Variants in SLC18A2 observed in about 807,000 individuals in gnomAD.
SLC18A2 encodes synaptic vesicular amine transporter.
A neutral mutation model predicts 59.2 loss-of-function variants in SLC18A2; 33 were observed. The observed-to-expected ratio is 0.56, with a 90% CI of 0.42 to 0.75. The LOEUF (loss-of-function observed/expected upper bound fraction) is 0.75. Among genes scored for constraint, SLC18A2 ranks in the 30% least tolerant of loss-of-function variants. The pLI, the probability that SLC18A2 is intolerant of heterozygous loss-of-function variation, is 0.00. For missense variants in SLC18A2, 569 were observed against 668.6 expected (o/e 0.85, Z 1.64); for synonymous variants, 228 against 253.5 (o/e 0.90, Z 0.95).
At chr10:117,250,141 G>T (rs1844146177) in intron 3 of SLC18A2, among the ~76,000 whole-genome samples, 1 of 152,184 alleles carries the variant, frequency 6.6e-6, no homozygotes, top group South Asian at 2.1e-4. Context: ...AGAAGAGTTT[G>T]AGAACGGAGA....
chr10:117,278,519 A>G lies in SLC18A2; in HGVS notation c.*1253A>G, dbSNP rs953120077. 2.0e-5 allele frequency: 3 copies of G among 152,174 alleles called. No individual in the cohort carries two copies. The highest frequency in any genetic ancestry group is 2.0e-4 in the Admixed American group (3 of 15,280). The allele number at this position is 152,174 out of a possible 1,614,324, so 9.4% of individuals were successfully genotyped here. On this transcript the variant is annotated 3_prime_UTR_variant, in exon 16 of 16. Transcript: ENST00000644641. ...CAAATACTGTTAGTGAACATTGTCA[A>G]TTTATGTCATTTTGTTAAGAGATAT...
chr10:117,257,450 G>A (rs533765821), intron 9 of SLC18A2, among the ~76,000 whole-genome samples: 2 of 152,192 alleles, frequency 1.3e-5, no homozygotes, highest in African/African-American at 4.8e-5. Context: ...GTCTGGAAGT[G>A]GCCTGATTGC....
At chr10:117,267,434 T>C (rs1844360914) in intron 12 of SLC18A2, 1 of 459,958 alleles carries the variant, frequency 2.2e-6, no homozygotes. Context: ...TGGACTAGGC[T>C]GATCTTTCAC....
chr10:117,244,319 G>T lies in SLC18A2; in HGVS notation c.464+6G>T, dbSNP rs1844088487. On this transcript the variant is annotated splice_donor_region_variant and intron_variant, in intron 3 of 15. Transcript: ENST00000644641. ...ATAGGACTACTGACCAACAGGTAGG[G>T]CAGACTACTTTAGTCAAAGAGTTTG... 1 of 1,609,228 alleles carries T rather than the reference G, an allele frequency of 6.2e-7. No individual in the cohort carries two copies. The highest frequency in any genetic ancestry group is 1.7e-5 in the Admixed American group (1 of 59,378).
At chr10:117,241,381 C>T (rs1440605575) in intron 1 of SLC18A2, among the ~76,000 whole-genome samples, 161 bp downstream of exon 1, 2 of 150,404 alleles carry the variant, frequency 1.3e-5, no homozygotes, top group Admixed American at 1.3e-4. Context: ...TGCACGGGGC[C>T]GAGCGTGCAG....
Position 117,257,887 on chromosome 10 carries a change from A to T in SLC18A2, c.986A>T (p.Gln329Leu), listed in dbSNP as rs771995052. 6.2e-7 allele frequency: 1 copy of T among 1,610,166 alleles called. No individual in the cohort carries two copies. Among genetic ancestry groups the T allele is most frequent in the East Asian group, 2.2e-5 (1 of 44,714 alleles). The change falls in exon 10 of 16, where the codon CAG (glutamine) becomes CTG (leucine). Residue 329 changes from glutamine to leucine, a missense_variant. Around this residue, in one of 2 missense-constraint regions of SLC18A2, gnomAD observed 192 missense variants for 278.8 expected, o/e 0.69. Transcript: ENST00000644641. ...MMETMCSRKW[Q>L]LGVAFLPASI... ...GAGACCATGTGTTCCCGAAAGTGGC[A>T]GCTGGGTAAGGACTGGGGTGGGCTC...
At chr10:117,255,800 T>C in intron 9 of SLC18A2, 143 bp downstream of exon 9, 1 of 698,174 alleles carries the variant, frequency 1.4e-6, no homozygotes, top group Non-Finnish European at 2.4e-6. Context: ...GCAAAGAGGC[T>C]ACAAGTCAAA....
At chr10:117,256,820 C>T (rs363245) in intron 9 of SLC18A2, among the ~76,000 whole-genome samples, 132,644 of 152,174 alleles carry the variant, frequency 0.87, 58,036 homozygotes, top group Middle Eastern at 0.95. Flanking sequence ...AGAAATGTGA[C>T]TTCCTGAACC....
In SLC18A2 at chr10:117,253,996, G is replaced by A. The variant is rs376856181; in HGVS notation, c.524-52G>A. ...CTTCTGAAACGTTCCTGTTTGGGAC[G>A]GTTGTGTCCCAGCAGCACTGATGTG... On this transcript the variant is annotated intron_variant, in intron 4 of 15. Transcript: ENST00000644641. 85 of 1,538,230 alleles carry A rather than the reference G, an allele frequency of 5.5e-5. 1 individual carries two copies. In the South Asian group the frequency reaches 5.9e-4, roughly 11 times the overall value.
chr10:117,255,562 G>A (rs1844219685), intron 8 of SLC18A2, 35 bp from the exon 9 acceptor site: 2 of 1,614,046 alleles, frequency 1.2e-6, no homozygotes, highest in African/African-American at 1.3e-5. Flanking sequence ...GAGGGGGCAT[G>A]GTGCTGCTTC....
chr10:117,242,084 C>T (rs565567082), intron 2 of SLC18A2, among the ~76,000 whole-genome samples: 2 of 152,340 alleles, frequency 1.3e-5, no homozygotes, highest in East Asian at 3.9e-4. Flanking sequence ...TTTCCCGCAT[C>T]CTCTTGCCTG....
chr10:117,245,115 A>C (rs1844097195), intron 3 of SLC18A2, among the ~76,000 whole-genome samples: 1 of 152,180 alleles, frequency 6.6e-6, no homozygotes, highest in South Asian at 2.1e-4. Context: ...AGGGCCTTGC[A>C]GCTGAGAGGA....
At chr10:117,273,979 G>C (rs1013868925) in intron 15 of SLC18A2, among the ~76,000 whole-genome samples, 1 of 152,124 alleles carries the variant, frequency 6.6e-6, no homozygotes, top group Non-Finnish European at 1.5e-5. Flanking sequence ...CTCTTTGGTT[G>C]AGAGTCAAAC....
At chr10:117,273,265 G>C (rs1401121879) in intron 15 of SLC18A2, among the ~76,000 whole-genome samples, 2 of 152,146 alleles carry the variant, frequency 1.3e-5, no homozygotes, top group Non-Finnish European at 2.9e-5. Flanking sequence ...AAGTCCCTCT[G>C]CACATACAGG....
chr10:117,261,669 T>C (rs1589982428), intron 10 of SLC18A2, among the ~76,000 whole-genome samples: 1 of 152,304 alleles, frequency 6.6e-6, no homozygotes, highest in East Asian at 1.9e-4. Context: ...CTCCCTGCAG[T>C]TGGGCTGGCC....
At chr10:117,251,069 A>G (rs978067140) in intron 3 of SLC18A2, among the ~76,000 whole-genome samples, 1 of 152,234 alleles carries the variant, frequency 6.6e-6, no homozygotes, top group Non-Finnish European at 1.5e-5. Flanking sequence ...GAAGGGTTCC[A>G]TATTAGAGCC....
At chr10:117,253,254 G>A (rs1844184052) in intron 3 of SLC18A2, 145 bp from the exon 4 acceptor site, 1 of 653,792 alleles carries the variant, frequency 1.5e-6, no homozygotes, top group South Asian at 1.8e-5. Context: ...AGGTCACATA[G>A]GAAGCACTGA....
chr10:117,263,950 C>T (rs1295581193), intron 10 of SLC18A2, among the ~76,000 whole-genome samples: 1 of 152,196 alleles, frequency 6.6e-6, no homozygotes, highest in Non-Finnish European at 1.5e-5. Flanking sequence ...TGCCATAGGA[C>T]AGGGCAGACC....
In SLC18A2 at chr10:117,244,183, G is replaced by T; in HGVS notation, c.334G>T (p.Ala112Ser). Residue 112 changes from alanine (A) to serine (S), a missense_variant, in exon 3 of 16, where the codon GCT becomes TCT. Transcript: ENST00000644641. The part of the protein sequence containing the change: ...ATQHMVTNAS[A>S]VPSDCPSEDK... Reference sequence around the variant, plus strand: ...ACAGCACATGGTGACCAACGCGTCCGCTGTTCCTTCCGACTGTCCCAGTGA... The same window carrying T: ...ACAGCACATGGTGACCAACGCGTCCTCTGTTCCTTCCGACTGTCCCAGTGA... 6.2e-7 allele frequency: 1 copy of T among 1,614,180 alleles called. No individual in the cohort carries two copies. The highest frequency in any genetic ancestry group is 1.1e-5 in the South Asian group (1 of 91,086).
Sources: allele counts gnomAD v4.1 joint callset (sites outside exome capture counted in the v4.1 genomes callset), GRCh38; gene constraint gnomAD v4.1.1; regional missense constraint gnomAD v4.1.1; transcripts MANE v1.5; gene names NCBI Gene and HGNC (gene_info 2026-07-23, HGNC 2026-07-21).